The following RAD50 variants were observed in gnomAD, a reference collection of about 807,000 sequenced individuals.
RAD50 encodes RAD50 double strand break repair protein.
In RAD50, 132 loss-of-function variants were observed where a neutral mutation model predicts 168.8. That is an observed-to-expected ratio of 0.78 (90% confidence interval 0.68 to 0.90). The LOEUF (loss-of-function observed/expected upper bound fraction) is 0.90. Among genes scored for constraint, RAD50 ranks in the 40% least tolerant of loss-of-function variants. The probability of loss-of-function intolerance (pLI) is 0.00; values close to 1 mark genes in which losing one functional copy is unlikely to be tolerated. For missense variants in RAD50, 1,347 were observed against 1,534.4 expected (o/e 0.88, Z 2.04); for synonymous variants, 525 against 497.4 (o/e 1.06, Z -0.74).
intron 24 of RAD50, 27 bp downstream of exon 24, chr5:132,640,832 TTGAG>T (rs1751705256): frequency 1.2e-6 from 2 of 1,613,842 alleles, no homozygotes; most frequent in South Asian, 2.2e-5. Flanking sequence ...CATGCTCTGG[TTGAG>T]TAAGTATCTC....
At position 132,609,388 on chromosome 5, in the gene RAD50, A is replaced by G. The variant is rs747443174; in HGVS notation, c.3028A>G (p.Thr1010Ala). ...GAGACTCATGAGACAAGATATTGATACACAGAAGGTAGGTCTGTTTTGCTT... is the reference window on the plus strand; with the variant it reads ...GAGACTCATGAGACAAGATATTGATGCACAGAAGGTAGGTCTGTTTTGCTT... Reference protein sequence around the residue: ...DMRLMRQDIDTQKIQERWLQD... With the variant: ...DMRLMRQDIDAQKIQERWLQD... Residue 1010 changes from threonine to alanine, a missense_variant, in exon 19 of 25, where the codon ACA (threonine) becomes GCA (alanine). Thr to Ala is a moderately conservative substitution (Grantham distance 58). Coordinates refer to ENST00000378823, the MANE Select transcript of RAD50 (RefSeq NM_005732.4). The G allele has an allele frequency of 2.5e-6, 4 of 1,613,736 alleles. No individual in the cohort carries two copies. Among genetic ancestry groups the G allele is most frequent in the South Asian group, 1.1e-5 (1 of 91,042 alleles).
intron 1 of RAD50, 133 bp from the exon 2 acceptor site, chr5:132,559,151 A>T: frequency 1.1e-6 from 1 of 884,400 alleles, no homozygotes; most frequent in Non-Finnish European, 1.6e-6. Flanking sequence ...TATTTTTATT[A>T]CAGGTTTTAT....
chr5:132,612,369 T>C (rs1335646254), intron 19 of RAD50, among the ~76,000 whole-genome samples: 2 of 152,196 alleles, frequency 1.3e-5, no homozygotes, highest in Non-Finnish European at 2.9e-5. Context: ...GTGACTGCTA[T>C]TGAATATGAG....
chr5:132,600,844 G>A (rs1228857893), intron 13 of RAD50, among the ~76,000 whole-genome samples: 1 of 151,914 alleles, frequency 6.6e-6, no homozygotes, highest in Non-Finnish European at 1.5e-5. Flanking sequence ...GCAAGGTAAT[G>A]GATATGTTAA....
In RAD50 at chr5:132,557,185, A is replaced by C; in HGVS notation, c.-140A>C. 2 of 1,159,248 alleles carry C rather than the reference A, an allele frequency of 1.7e-6. No individual in the cohort carries two copies. Among genetic ancestry groups the C allele is most frequent in the Non-Finnish European group, 2.6e-6 (2 of 784,056 alleles). 71.8% of individuals were successfully genotyped at this position (1,159,248 alleles called of 1,614,324 possible). A position where few individuals can be genotyped will look rare whatever the true frequency, so the allele number is the denominator to read the frequency against. On this transcript the variant is annotated 5_prime_UTR_variant, in exon 1 of 25. Coordinates refer to ENST00000378823, the MANE Select transcript of RAD50 (RefSeq NM_005732.4). ...CTGTTGGCTGGCAGGATCTTTTGGC[A>C]GTCCTGTGGCCTCGCTCCCCGCCCG...
rs1466029616 is a variant in RAD50, at chr5:132,642,833, G to A, written c.*469G>A. ...TGAGGATGACCAGAAATGGTGAGAT[G>A]TATGTTTGGCTCTGCTTTTAACTTT... is the stretch of plus-strand genomic sequence containing the variant. On this transcript the variant is annotated 3_prime_UTR_variant, in exon 25 of 25. Coordinates refer to ENST00000378823, the MANE Select transcript of RAD50 (RefSeq NM_005732.4). 3 of 361,296 alleles carry A rather than the reference G, an allele frequency of 8.3e-6. No individual in the cohort carries two copies. Among genetic ancestry groups the A allele is most frequent in the Non-Finnish European group, 1.6e-5 (3 of 183,362 alleles). 22.4% of individuals were successfully genotyped at this position (361,296 alleles called of 1,614,324 possible). A position where few individuals can be genotyped will look rare whatever the true frequency, so the allele number is the denominator to read the frequency against.
chr5:132,561,889 TC>T (rs1275510447), intron 2 of RAD50, among the ~76,000 whole-genome samples: 1 of 152,006 alleles, frequency 6.6e-6, no homozygotes, highest in Non-Finnish European at 1.5e-5. Context: ...CTTCATTCCA[TC>T]GGCCACTGTG....
chr5:132,579,986 C>A lies in RAD50; in HGVS notation c.676C>A (p.Gln226Lys). 6.2e-7 allele frequency: 1 copy of A among 1,613,020 alleles called. No homozygotes were observed. The highest frequency in any genetic ancestry group is 1.1e-5 in the South Asian group (1 of 91,018). Residue 226 changes from glutamine to lysine, a missense_variant, in exon 5 of 25, where the codon CAG becomes AAG. This residue lies in a region of RAD50 where 703 missense variants were observed against 767.7 expected (regional missense o/e 0.92). Coordinates refer to ENST00000378823, the MANE Select transcript of RAD50 (RefSeq NM_005732.4). ...YKEKACEIRD[Q>K]ITSKEAQLTS... is the part of the protein sequence containing the mutation. ...GGAAAAAGCTTGTGAGATTCGTGAT[C>A]AGATTACAAGTAAGGAAGCCCAGTT...
At chr5:132,568,122 G>A (rs1033671574) in intron 2 of RAD50, among the ~76,000 whole-genome samples, 5 of 151,664 alleles carry the variant, frequency 3.3e-5, no homozygotes, top group African/African-American at 4.9e-5. Flanking sequence ...CCAGGCTGGA[G>A]TGCAGTGGCA....
At chr5:132,641,939 G>A (rs1409952068) in intron 24 of RAD50, 10 of 527,286 alleles carry the variant, frequency 1.9e-5, no homozygotes, top group Non-Finnish European at 3.0e-5. Flanking sequence ...ATTCCTGTGA[G>A]TCCCTAAGCC....
At position 132,595,568 on chromosome 5, in the gene RAD50, A is replaced by G. The variant is rs1750774969; in HGVS notation, c.1970-5A>G. 1 of 1,585,902 alleles carries G rather than the reference A, an allele frequency of 6.3e-7. No homozygotes were observed. The highest frequency in any genetic ancestry group is 8.7e-7 in the Non-Finnish European group (1 of 1,154,656). ...TTGGTGATATAATTTATTTTCTTAAAATAGCCATGCTGGCTGGAGCCACAG... is the reference window on the plus strand; with the variant it reads ...TTGGTGATATAATTTATTTTCTTAAGATAGCCATGCTGGCTGGAGCCACAG... On this transcript the variant is annotated splice_polypyrimidine_tract_variant and splice_region_variant and intron_variant, in intron 12 of 24. Transcript: ENST00000378823.
chr5:132,563,422 C>T (rs372149114), intron 2 of RAD50, among the ~76,000 whole-genome samples: 6 of 152,280 alleles, frequency 3.9e-5, no homozygotes, highest in African/African-American at 1.4e-4. Context: ...CTTTTGATTG[C>T]TTTTATATTC....
chr5:132,583,932 G>A (rs995512623), intron 5 of RAD50, among the ~76,000 whole-genome samples: 1 of 151,972 alleles, frequency 6.6e-6, no homozygotes, highest in Non-Finnish European at 1.5e-5. Flanking sequence ...CCCAACCTCA[G>A]ATGATCTGCC....
intron 6 of RAD50, 91 bp from the exon 7 acceptor site, chr5:132,587,833 T>C: frequency 1.3e-6 from 2 of 1,539,416 alleles, no homozygotes; most frequent in South Asian, 1.1e-5. Flanking sequence ...ATGAAGGATA[T>C]TGAATAAGGT....
rs957683261 is a variant in RAD50 at position 132,643,750 on chromosome 5, C to T, written c.*1386C>T. ...TGGGGGGGGGTCCTAAATGTAATCA[C>T]GAGTAAGATTAAGAGCAAATCAATT... On this transcript the variant is annotated 3_prime_UTR_variant, in exon 25 of 25. Coordinates refer to ENST00000378823, the MANE Select transcript of RAD50 (RefSeq NM_005732.4). 41 of 225,832 alleles carry T rather than the reference C, an allele frequency of 1.8e-4. No individual in the cohort carries two copies. Among genetic ancestry groups the T allele is most frequent in the East Asian group, 6.2e-5 (1 of 16,230 alleles). 14.0% of individuals were successfully genotyped at this position (225,832 alleles called of 1,614,324 possible).
intron 2 of RAD50, among the ~76,000 whole-genome samples, chr5:132,561,034 G>A (rs1256225503): frequency 6.6e-6 from 1 of 152,138 alleles, no homozygotes; most frequent in Non-Finnish European, 1.5e-5. Context: ...AGATAGAGTG[G>A]TCAGTTTCTA....
chr5:132,578,871 C>G (rs767329047), intron 3 of RAD50, among the ~76,000 whole-genome samples: 4 of 152,070 alleles, frequency 2.6e-5, no homozygotes, highest in Non-Finnish European at 2.9e-5. Flanking sequence ...GTATAAAAAA[C>G]AGTAAAGACA....
In RAD50 at chr5:132,640,814, C is replaced by T. The variant is rs765096225; in HGVS notation, c.3752+9C>T. ...GCACATGCTCTGGTTGAGTAAGTAT[C>T]TCTTGCACATGCTCTGGTTGAGTAA... On this transcript the variant is annotated intron_variant, in intron 24 of 24. Transcript: ENST00000378823. The T allele has an allele frequency of 2.2e-5, 35 of 1,614,024 alleles. No homozygotes were observed. Among genetic ancestry groups the T allele is most frequent in the Non-Finnish European group, 2.8e-5 (33 of 1,180,024 alleles).
At chr5:132,641,188 A>G (rs1039797235) in intron 24 of RAD50, among the ~76,000 whole-genome samples, 7 of 152,146 alleles carry the variant, frequency 4.6e-5, no homozygotes, top group African/African-American at 1.7e-4. Flanking sequence ...TGGGTTTAGG[A>G]CTGTCTCCCC....
Sources: allele counts gnomAD v4.1 joint callset (sites outside exome capture counted in the v4.1 genomes callset), GRCh38; gene constraint gnomAD v4.1.1; regional missense constraint gnomAD v4.1.1; transcripts MANE v1.5; gene names NCBI Gene and HGNC (gene_info 2026-07-23, HGNC 2026-07-21).